Variants in PALD1 observed in about 807,000 individuals in gnomAD.
The protein encoded by PALD1 is phosphatase domain containing paladin 1, also known as paladin.
In PALD1, 57 loss-of-function variants were observed where a neutral mutation model predicts 96.0. The ratio of observed to expected loss-of-function variants is 0.59; its 90% CI spans 0.48 to 0.74. PALD1 has a LOEUF of 0.74. PALD1 is among the 30% of genes least tolerant of loss of function. The probability of loss-of-function intolerance (pLI) is 0.00; values close to 1 mark genes in which losing one functional copy is unlikely to be tolerated. For synonymous variants in PALD1, 464 were observed against 473.6 expected, an observed-to-expected ratio of 0.98 and a Z score of 0.26; for missense variants, 1,063 against 1,143.7, an observed-to-expected ratio of 0.93 and a Z score of 1.02.
intron 1 of PALD1, among the ~76,000 whole-genome samples, chr10:70,520,892 A>G (rs182424368): frequency 5.9e-5 from 9 of 151,560 alleles, no homozygotes; most frequent in Admixed American, 1.3e-4. Flanking sequence ...GGGTTTTGCC[A>G]TGTTGGCCAA....
rs916122532 is a variant in PALD1, at chr10:70,533,101, G to T, written c.870+31G>T. On this transcript the variant is annotated intron_variant, in intron 7 of 19. Coordinates refer to ENST00000263563, the MANE Select transcript of PALD1 (RefSeq NM_014431.3). ...TGGGGCACGGGCGCGCATGGGGGAG[G>T]AGTCTTGAGAGTCGTCCCCATGGAG... is the stretch of plus-strand genomic sequence containing the variant. 7.8e-6 allele frequency: 12 copies of T among 1,534,346 alleles called. No homozygotes were observed. In the South Asian group the frequency reaches 1.2e-4, roughly 15 times the overall value.
At chr10:70,507,337 A>G (rs1168999106) in intron 1 of PALD1, among the ~76,000 whole-genome samples, 5 of 152,154 alleles carry the variant, frequency 3.3e-5, no homozygotes, top group Non-Finnish European at 5.9e-5. Flanking sequence ...GCTTGAATAC[A>G]GGAGGAGGAG....
At chr10:70,533,101 G>A in intron 7 of PALD1, 31 bp downstream of exon 7, 1 of 1,534,464 alleles carries the variant, frequency 6.5e-7, no homozygotes, top group Non-Finnish European at 8.9e-7. Context: ...CATGGGGGAG[G>A]AGTCTTGAGA....
upstream of PALD1, among the ~76,000 whole-genome samples, chr10:70,475,331 G>A (rs1052774847): frequency 1.3e-5 from 2 of 152,230 alleles, no homozygotes; most frequent in Admixed American, 6.5e-5. Context: ...GGCCAGGGCA[G>A]ACAGGGGATC....
chr10:70,470,752 G>T, the PALD1 span, among the ~76,000 whole-genome samples: 11 of 151,250 alleles, frequency 7.3e-5, no homozygotes, highest in Non-Finnish European at 1.5e-4. Flanking sequence ...GGAACTACAG[G>T]CACGCACCAC....
intron 1 of PALD1, among the ~76,000 whole-genome samples, chr10:70,506,801 C>T (rs1369183117): frequency 6.6e-6 from 1 of 152,162 alleles, no homozygotes; most frequent in Non-Finnish European, 1.5e-5. Context: ...GAATCTGCCT[C>T]TCAGAGAGGA....
At chr10:70,475,849 T>C (rs1845815675), upstream of PALD1, among the ~76,000 whole-genome samples, 1 of 152,154 alleles carries the variant, frequency 6.6e-6, no homozygotes, top group Non-Finnish European at 1.5e-5. Context: ...AGTAACAGGT[T>C]ACTCATATTC....
chr10:70,472,839 C>G, the PALD1 span, among the ~76,000 whole-genome samples: 13 of 152,118 alleles, frequency 8.5e-5, no homozygotes, highest in Non-Finnish European at 8.8e-5. Context: ...AAGGACCAAG[C>G]ATTGGAGAGG....
chr10:70,471,779 G>T, the PALD1 span, among the ~76,000 whole-genome samples: 1 of 152,384 alleles, frequency 6.6e-6, no homozygotes, highest in South Asian at 2.1e-4. Flanking sequence ...TGCCAGAAAA[G>T]TGTGAGAATA....
Position 70,529,217 on chromosome 10 carries a change from C to T in PALD1, c.186-12C>T, listed in dbSNP as rs772840911. On this transcript the variant is annotated splice_polypyrimidine_tract_variant and intron_variant, in intron 2 of 19. Coordinates refer to ENST00000263563, the MANE Select transcript of PALD1 (RefSeq NM_014431.3). ...ACTCAGTTTCCATTCTGCCCCCCCC[C>T]CCCCCCCCCAGGTACAACTGCAAGG... The T allele has an allele frequency of 1.4e-5, 5 of 349,394 alleles. No homozygotes were observed. Among genetic ancestry groups the T allele is most frequent in the Non-Finnish European group, 2.6e-5 (5 of 193,418 alleles). 21.6% of individuals were successfully genotyped at this position (349,394 alleles called of 1,614,324 possible). A position where few individuals can be genotyped will look rare whatever the true frequency, so the allele number is the denominator to read the frequency against.
intron 7 of PALD1, 61 bp downstream of exon 7, chr10:70,533,131 T>C: frequency 3.6e-6 from 5 of 1,371,416 alleles, no homozygotes; most frequent in Non-Finnish European, 4.1e-6. Context: ...ATGGAGGTGC[T>C]CAGGGTGGGC....
At position 70,539,701 on chromosome 10, in the gene PALD1, C is replaced by T. The variant is rs571224115; in HGVS notation, c.1847C>T (p.Ala616Val). 1.2e-6 allele frequency: 2 copies of T among 1,613,516 alleles called. No homozygotes were observed. The highest frequency in any genetic ancestry group is 1.3e-5 in the African/African-American group (1 of 74,990). ...GAGGTCTTCAGCCAGCACCGCAGGG[C>T]CTGTCCTGGCCTCACCTACCACCGC... is the stretch of plus-strand genomic sequence containing the variant. ...MQEVFSQHRR[A>V]CPGLTYHRIP... Residue 616 changes from alanine (A) to valine (V), a missense_variant, in exon 15 of 20, where the codon GCC becomes GTC. Physicochemically the swap from Ala to Val is moderately conservative, Grantham distance 64. Transcript: ENST00000263563. This position sits in a 1 kb window ranked among gnomAD's most constrained non-coding sequence, Gnocchi z 4.5.
intron 1 of PALD1, among the ~76,000 whole-genome samples, chr10:70,507,451 G>T (rs540051656): frequency 1.2e-4 from 18 of 152,276 alleles, no homozygotes; most frequent in African/African-American, 4.1e-4. Flanking sequence ...TAGAGACAGG[G>T]TCTTGCTCTG....
At chr10:70,560,828 T>C (rs1161569273) in intron 18 of PALD1, among the ~76,000 whole-genome samples, 1 of 152,112 alleles carries the variant, frequency 6.6e-6, no homozygotes, top group East Asian at 1.9e-4. Flanking sequence ...GAGGAAGCCT[T>C]GTCCGGCTCC....
Position 70,539,270 on chromosome 10 carries a change from C to T in PALD1, c.1725+23C>T, listed in dbSNP as rs1203381269. On this transcript the variant is annotated intron_variant, in intron 14 of 19. Transcript: ENST00000263563. The surrounding 1 kb of genome is among the most constrained non-coding windows in gnomAD (Gnocchi z 4.5). ...GAGGTGAGGCCCCCTGCCCTCTAGG[C>T]ACCCCTGCCTCCGAGGCTTCTGGGG... The T allele has an allele frequency of 2.5e-6, 4 of 1,592,816 alleles. No homozygotes were observed. Among genetic ancestry groups the T allele is most frequent in the Non-Finnish European group, 3.4e-6 (4 of 1,171,162 alleles).
Position 70,538,388 on chromosome 10 carries a change from C to G in PALD1, c.1432C>G (p.Leu478Val). 6.2e-7 allele frequency: 1 copy of G among 1,611,844 alleles called. No homozygotes were observed. The highest frequency in any genetic ancestry group is 8.5e-7 in the Non-Finnish European group (1 of 1,179,984). Residue 478 changes from leucine to valine, a missense_variant, in exon 12 of 20, where the codon CTC becomes GTC. Leu to Val is a conservative substitution (Grantham distance 32). Transcript: ENST00000263563. ...AGCAGGCCCTGTGGCTCCGAGGGAC[C>G]TCATCGCCAGGGGCTCCCTAGTGAG... is the stretch of plus-strand genomic sequence containing the variant. ...SSAGPVAPRDLIARGSLREDD... is the reference protein window; with the variant it reads ...SSAGPVAPRDVIARGSLREDD...
chr10:70,559,246 C>T (rs36103761), intron 18 of PALD1, among the ~76,000 whole-genome samples: 33,379 of 151,798 alleles, frequency 0.22, 4,484 homozygotes, highest in Admixed American at 0.39. Context: ...TGCTGGCATC[C>T]GGGGGAAGAA....
At chr10:70,530,096 C>A in intron 4 of PALD1, 28 bp downstream of exon 4, 1 of 1,485,554 alleles carries the variant, frequency 6.7e-7, no homozygotes, top group Admixed American at 2.4e-5. Flanking sequence ...CAGGCAGAAG[C>A]CAGGTCCCCA....
the PALD1 span, among the ~76,000 whole-genome samples, chr10:70,466,534 C>T: frequency 2.0e-5 from 3 of 152,142 alleles, no homozygotes; most frequent in African/African-American, 4.8e-5. Context: ...TGAGCCACCG[C>T]GCCCAGCCAT....
Sources: gnomAD v4.1 joint callset for allele counts (sites outside exome capture counted in the v4.1 genomes callset) on GRCh38, gnomAD v4.1.1 for gene constraint, Gnocchi (gnomAD v3.1) non-coding constraint, MANE v1.5 for transcripts, NCBI Gene and HGNC (gene_info 2026-07-23, HGNC 2026-07-21) for gene names.